The following TYR variants were observed in gnomAD, a reference collection of about 807,000 sequenced individuals.
TYR encodes LB24-AB.
Under a neutral mutation model 51.5 loss-of-function variants are expected in TYR, and 58 were observed. That is an observed-to-expected ratio of 1.13 (90% CI 0.91 to 1.40). The LOEUF (loss-of-function observed/expected upper bound fraction) is 1.40. TYR is among the 40% of genes most tolerant of loss of function. The probability of loss-of-function intolerance (pLI) is 0.00; values close to 1 mark genes in which losing one functional copy is unlikely to be tolerated. For missense variants in TYR, 732 were observed against 647.4 expected, an observed-to-expected ratio of 1.13 and a Z score of -1.42; for synonymous variants, 263 against 235.2, an observed-to-expected ratio of 1.12 and a Z score of -1.08.
At chr11:89,208,508 G>C (rs1943704547) in intron 2 of TYR, among the ~76,000 whole-genome samples, 1 of 152,058 alleles carries the variant, frequency 6.6e-6, no homozygotes, top group African/African-American at 2.4e-5. Flanking sequence ...AAGACTTAGG[G>C]AGGACTTCCA....
intron 2 of TYR, among the ~76,000 whole-genome samples, chr11:89,192,322 A>G (rs757749298): frequency 6.6e-6 from 1 of 152,114 alleles, no homozygotes; most frequent in African/African-American, 2.4e-5. Context: ...CAAACAAAAA[A>G]AAACTCAATC....
At chr11:89,212,341 A>C (rs993264371) in intron 2 of TYR, among the ~76,000 whole-genome samples, 10 of 152,200 alleles carry the variant, frequency 6.6e-5, no homozygotes, top group South Asian at 4.1e-4. Context: ...ATCTAGAAGA[A>C]ATGGATAAAT....
At chr11:89,276,025 G>C (rs1199071315) in intron 3 of TYR, among the ~76,000 whole-genome samples, 1 of 151,886 alleles carries the variant, frequency 6.6e-6, no homozygotes, top group African/African-American at 2.4e-5. Context: ...ATCTGGGTTA[G>C]ATTATAAACT....
At chr11:89,219,296 C>CT (rs35311585) in intron 2 of TYR, among the ~76,000 whole-genome samples, 4,722 of 139,000 alleles carry the variant, frequency 0.034, 194 homozygotes, top group African/African-American at 0.09. Context: ...GACAGAGTGA[C>CT]TTTTTTTTTT....
chr11:89,225,459 C>T (rs907817631), intron 2 of TYR, among the ~76,000 whole-genome samples: 4 of 151,658 alleles, frequency 2.6e-5, no homozygotes, highest in Admixed American at 6.6e-5. Context: ...AAATTTGTAT[C>T]CTTAGACTAA....
At chr11:89,288,201 A>C (rs1944814456) in intron 4 of TYR, among the ~76,000 whole-genome samples, 1 of 151,962 alleles carries the variant, frequency 6.6e-6, no homozygotes, top group Non-Finnish European at 1.5e-5. Context: ...TCAGCATATA[A>C]ATTATTGACT....
chr11:89,194,650 T>TTCTATCTATCTA (rs34029150), intron 2 of TYR, among the ~76,000 whole-genome samples: 11,457 of 150,556 alleles, frequency 0.076, 648 homozygotes, highest in African/African-American at 0.16. Context: ...CCTCCATTTT[T>TTCTATCTATCTA]TCTATCTATC....
intron 3 of TYR, among the ~76,000 whole-genome samples, chr11:89,253,150 A>G (rs1944349325): frequency 6.6e-6 from 1 of 151,754 alleles, no homozygotes; most frequent in Admixed American, 6.6e-5. Context: ...GTACTTGTCA[A>G]TGAAAGATCC....
chr11:89,290,916 TAGAA>T lies in TYR; in HGVS notation c.1367-4222_1367-4219del, dbSNP rs1424258900. ...ATCTTCTATAAAGGAATTGTTTTGT[TAGAA>T]AGAATCCATTTGCTCTTACTGAACA... On this transcript the variant is annotated intron_variant, in intron 4 of 4. Coordinates refer to ENST00000263321, the MANE Select transcript of TYR (RefSeq NM_000372.5). 1.3e-5 allele frequency among the ~76,000 whole-genome samples: 2 copies of T among 152,012 alleles called. 1 individual carries two copies. Among genetic ancestry groups the T allele is most frequent in the Admixed American group, 1.3e-4 (2 of 15,264 alleles).
At chr11:89,220,063 G>A (rs1943887260) in intron 2 of TYR, among the ~76,000 whole-genome samples, 1 of 152,072 alleles carries the variant, frequency 6.6e-6, no homozygotes, top group African/African-American at 2.4e-5. Flanking sequence ...CAGATAATTG[G>A]CCAAAATTCT....
intron 3 of TYR, among the ~76,000 whole-genome samples, chr11:89,260,070 TAA>T (rs1044681852): frequency 2.6e-5 from 4 of 151,982 alleles, no homozygotes; most frequent in African/African-American, 9.7e-5. Context: ...CTTTGGTGGT[TAA>T]AAAGAGATTG....
At chr11:89,196,643 A>G (rs540932159) in intron 2 of TYR, among the ~76,000 whole-genome samples, 5 of 152,298 alleles carry the variant, frequency 3.3e-5, no homozygotes, top group African/African-American at 7.2e-5. Context: ...TTGGTTGATC[A>G]TATATTGTTT....
chr11:89,243,508 A>G (rs1313326494), intron 3 of TYR, among the ~76,000 whole-genome samples: 3 of 152,200 alleles, frequency 2.0e-5, no homozygotes, highest in Non-Finnish European at 4.4e-5. Flanking sequence ...AGCTTAAGAC[A>G]TTGTATTAGA....
At chr11:89,184,750 T>C (rs1176953782) in intron 1 of TYR, among the ~76,000 whole-genome samples, 1 of 152,214 alleles carries the variant, frequency 6.6e-6, no homozygotes, top group African/African-American at 2.4e-5. Flanking sequence ...AAAAACATGT[T>C]CATTGCCAGT....
At chr11:89,260,717 T>A (rs1447621200) in intron 3 of TYR, among the ~76,000 whole-genome samples, 1 of 152,076 alleles carries the variant, frequency 6.6e-6, no homozygotes, top group Non-Finnish European at 1.5e-5. Context: ...TAAAAGAAAA[T>A]ATATAAGGCT....
intron 2 of TYR, among the ~76,000 whole-genome samples, chr11:89,215,885 TTTCTG>T (rs1204617769): frequency 6.6e-6 from 1 of 152,180 alleles, no homozygotes; most frequent in Non-Finnish European, 1.5e-5. Flanking sequence ...GAAGATAATA[TTTCTG>T]TTCTATCTGT....
chr11:89,286,912 T>C (rs1944794354), intron 4 of TYR, among the ~76,000 whole-genome samples: 1 of 151,854 alleles, frequency 6.6e-6, no homozygotes, highest in African/African-American at 2.4e-5. Context: ...GATTTTCCAT[T>C]TAGGATTTTA....
At chr11:89,274,797 A>C (rs531712202) in intron 3 of TYR, among the ~76,000 whole-genome samples, 1 of 151,758 alleles carries the variant, frequency 6.6e-6, no homozygotes, top group South Asian at 2.1e-4. Context: ...TTTTGTGTTC[A>C]TCTGGCAGGT....
At chr11:89,219,748 C>T (rs34857319) in intron 2 of TYR, among the ~76,000 whole-genome samples, 28,922 of 151,982 alleles carry the variant, frequency 0.19, 3,631 homozygotes, top group African/African-American at 0.36. Context: ...ACCAAAAATT[C>T]TTGCCTTCTC....
Sources: gnomAD v4.1 joint callset for allele counts (sites outside exome capture counted in the v4.1 genomes callset) on GRCh38, gnomAD v4.1.1 for gene constraint, MANE v1.5 for transcripts, NCBI Gene and HGNC (gene_info 2026-07-23, HGNC 2026-07-21) for gene names.